The following MYO1G variants were observed in gnomAD, a reference collection of about 807,000 sequenced individuals.
MYO1G encodes the protein unconventional myosin-Ig.
MYO1G carries 65 observed loss-of-function variants against 115.3 expected under a neutral mutation model. The ratio of observed to expected loss-of-function variants is 0.56; its 90% CI spans 0.46 to 0.69. The LOEUF (loss-of-function observed/expected upper bound fraction) is 0.69, where lower values mean the gene tolerates loss of function less well. MYO1G is among the 30% of genes least tolerant of loss of function. The pLI is 0.00. For synonymous variants in MYO1G, 510 were observed against 552.6 expected (o/e 0.92, Z 1.08); for missense variants, 1,204 against 1,393.5 (o/e 0.86, Z 2.16).
intron 16 of MYO1G, 94 bp downstream of exon 16, chr7:44,965,979 G>A (rs974351218): frequency 1.3e-6 from 2 of 1,550,790 alleles, no homozygotes; most frequent in Admixed American, 1.7e-5. Flanking sequence ...ATCAAGCAGA[G>A]ACTCCTGTGA....
Position 44,978,972 on chromosome 7 carries a change from G to A in MYO1G, c.-11C>T, listed in dbSNP as rs757952025. On this transcript the variant is annotated 5_prime_UTR_variant, in exon 1 of 22. Transcript: ENST00000258787. ...TTCCTCGTCCTCCATCCTGCCGGCT[G>A]GAAACACCTTGCCTCACCTTCCTGT... 3 of 1,613,826 alleles carry A rather than the reference G, an allele frequency of 1.9e-6. No individual in the cohort carries two copies. The highest frequency in any genetic ancestry group is 2.5e-6 in the Non-Finnish European group (3 of 1,179,736).
Position 44,962,674 on chromosome 7 carries a change from A to T in MYO1G, c.*65T>A. 2 of 1,423,832 alleles carry T rather than the reference A, an allele frequency of 1.4e-6. No homozygotes were observed. The highest frequency in any genetic ancestry group is 3.0e-5 in the African/African-American group (2 of 66,452). The allele number at this position is 1,423,832 out of a possible 1,614,324, so 88.2% of individuals were successfully genotyped here. A position where few individuals can be genotyped will look rare whatever the true frequency, so the allele number is the denominator to read the frequency against. On this transcript the variant is annotated 3_prime_UTR_variant, in exon 22 of 22. Transcript: ENST00000258787. This position sits in a 1 kb window ranked among gnomAD's most constrained non-coding sequence, Gnocchi z 5.3. ...CGGCGAGCAGGAGGGCTGACTCAGA[A>T]GGTTTATTTGCAGCGCTGGCGGGGC... is the stretch of plus-strand genomic sequence containing the variant.
In MYO1G at chr7:44,969,710, G is replaced by A. The variant is rs762149642; in HGVS notation, c.1498C>T (p.Arg500Cys). 1.2e-5 allele frequency: 19 copies of A among 1,611,190 alleles called. No homozygotes were observed. Among genetic ancestry groups the A allele is most frequent in the African/African-American group, 4.0e-5 (3 of 74,872 alleles). Residue 500 changes from arginine to cysteine, a missense_variant, in exon 11 of 22, where the codon CGC becomes TGC. Transcript: ENST00000258787. This position sits in a 1 kb window ranked among gnomAD's most constrained non-coding sequence, Gnocchi z 5.0. ...HHRHHLHYTS[R>C]QLCPTDKTME... ...ACTGGGACAGCCGGGGGCACCTGGC[G>A]GCTGGTGTAGTGTAGGTGATGGCGG...
chr7:44,964,847 G>A lies in MYO1G; in HGVS notation c.2526+98C>T. 1 of 1,498,500 alleles carries A rather than the reference G, an allele frequency of 6.7e-7. No individual in the cohort carries two copies. The highest frequency in any genetic ancestry group is 2.1e-5 in the Admixed American group (1 of 47,796). 92.8% of individuals were successfully genotyped at this position (1,498,500 alleles called of 1,614,324 possible). A position where few individuals can be genotyped will look rare whatever the true frequency, so the allele number is the denominator to read the frequency against. On this transcript the variant is annotated intron_variant, in intron 18 of 21. Coordinates refer to ENST00000258787, the MANE Select transcript of MYO1G (RefSeq NM_033054.3). The surrounding 1 kb of genome is among the most constrained non-coding windows in gnomAD (Gnocchi z 5.1). ...ACCAGGACAGACAACCCCAGGCCTG[G>A]GAGAGGACATCTGAGGGGACCTGGT...
rs1049611098 is a variant in MYO1G at position 44,967,602 on chromosome 7, T to C, written c.1782+3A>G. 5.0e-6 allele frequency: 8 copies of C among 1,613,778 alleles called. No individual in the cohort carries two copies. The highest frequency in any genetic ancestry group is 5.9e-6 in the Non-Finnish European group (7 of 1,180,010). ...GCCAGAGTGGGAGAGGGGTGGAACA[T>C]ACCTTGGAGGCAAGGTTCTCCACCA... is the stretch of plus-strand genomic sequence containing the variant. On this transcript the variant is annotated splice_donor_region_variant and intron_variant, in intron 14 of 21. Coordinates refer to ENST00000258787, the MANE Select transcript of MYO1G (RefSeq NM_033054.3).
At position 44,964,054 on chromosome 7, in the gene MYO1G, C is replaced by G. The variant is rs771083602; in HGVS notation, c.2740G>C (p.Glu914Gln). ...QYRVMRAVPLEAVTGLSVTSG... is the reference protein window; with the variant it reads ...QYRVMRAVPLQAVTGLSVTSG... ...TCCCCACCCACATTGCTCACCGCCT[C>G]AAGGGGCACGGCCCGCATCACCCGG... The change falls in exon 20 of 22, where the codon GAG becomes CAG. Residue 914 changes from glutamate to glutamine, a missense_variant. Coordinates refer to ENST00000258787, the MANE Select transcript of MYO1G (RefSeq NM_033054.3). This position sits in a 1 kb window ranked among gnomAD's most constrained non-coding sequence, Gnocchi z 5.1. 2 of 1,587,976 alleles carry G rather than the reference C, an allele frequency of 1.3e-6. No homozygotes were observed.
In MYO1G at chr7:44,969,145, A is replaced by T; in HGVS notation, c.1574+268T>A. ...CCCCCCACCCCACAGATGCTGGTATAGGGTTGGGCCCAGACATGAGACGTG... is the reference window on the plus strand; with the variant it reads ...CCCCCCACCCCACAGATGCTGGTATTGGGTTGGGCCCAGACATGAGACGTG... On this transcript the variant is annotated intron_variant, in intron 12 of 21. Transcript: ENST00000258787. This position sits in a 1 kb window ranked among gnomAD's most constrained non-coding sequence, Gnocchi z 5.0. 2.8e-6 allele frequency: 1 copy of T among 358,686 alleles called. No individual in the cohort carries two copies. Among genetic ancestry groups the T allele is most frequent in the Non-Finnish European group, 5.3e-6 (1 of 188,100 alleles). 22.2% of individuals were successfully genotyped at this position (358,686 alleles called of 1,614,324 possible).
chr7:44,975,100 C>G, intron 5 of MYO1G, 74 bp downstream of exon 5: 1 of 1,486,988 alleles, frequency 6.7e-7, no homozygotes, highest in South Asian at 1.1e-5. Context: ...ATGGAAGGGT[C>G]ACAAGCTGGT....
chr7:44,969,725 G>C lies in MYO1G; in HGVS notation c.1483C>G (p.Leu495Val), dbSNP rs766972278. ...GGCACCTGGCGGCTGGTGTAGTGTA[G>C]GTGATGGCGGTGGTGCATGTCCAGG... ...QTLDMHHRHH[L>V]HYTSRQLCPT... is the part of the protein sequence containing the mutation. Residue 495 changes from leucine (L) to valine (V), a missense_variant, in exon 11 of 22, where the codon CTA becomes GTA. Physicochemically the swap from Leu to Val is conservative, Grantham distance 32. Coordinates refer to ENST00000258787, the MANE Select transcript of MYO1G (RefSeq NM_033054.3). This position sits in a 1 kb window ranked among gnomAD's most constrained non-coding sequence, Gnocchi z 5.0. 2.5e-6 allele frequency: 4 copies of C among 1,607,636 alleles called. No homozygotes were observed. Among genetic ancestry groups the C allele is most frequent in the Non-Finnish European group, 3.4e-6 (4 of 1,177,996 alleles).
chr7:44,976,422 TG>T, intron 3 of MYO1G, 141 bp downstream of exon 3: 1 of 777,008 alleles, frequency 1.3e-6, no homozygotes, highest in Non-Finnish European at 2.1e-6. Flanking sequence ...TGGCATTATC[TG>T]GAAACTTCCC....
In MYO1G at chr7:44,962,745, G is replaced by C; in HGVS notation, c.3051C>G (p.Ser1017Arg). Reference sequence around the variant, plus strand: ...GTGCGGCGGGTGCGGGCGCTCAGCGGCTGGGCCAGAGCAGGGTGAAGGAGC... The same window carrying C: ...GTGCGGCGGGTGCGGGCGCTCAGCGCCTGGGCCAGAGCAGGGTGAAGGAGC... ...ARGSFTLLWPSR is the reference protein window; with the variant it reads ...ARGSFTLLWPRR The change falls in exon 22 of 22, where the codon AGC becomes AGG. Residue 1017 changes from serine (S) to arginine (R), a missense_variant. Transcript: ENST00000258787. The surrounding 1 kb of genome is among the most constrained non-coding windows in gnomAD (Gnocchi z 5.3). 1 of 1,462,070 alleles carries C rather than the reference G, an allele frequency of 6.8e-7. No homozygotes were observed. The highest frequency in any genetic ancestry group is 9.0e-7 in the Non-Finnish European group (1 of 1,117,074). 90.6% of individuals were successfully genotyped at this position (1,462,070 alleles called of 1,614,324 possible).
At chr7:44,973,030 G>C (rs759420688) in intron 5 of MYO1G, 7 of 152,158 alleles carry the variant, frequency 4.6e-5, no homozygotes, top group Admixed American at 6.5e-5. Context: ...ATGTCGCAGA[G>C]AGCTTCCACC....
Position 44,967,918 on chromosome 7 carries a change from G to A in MYO1G, c.1615C>T (p.Leu539Phe), listed in dbSNP as rs1794876905. Residue 539 changes from leucine to phenylalanine, a missense_variant, in exon 13 of 22, where the codon CTC becomes TTC. Physicochemically the swap from Leu to Phe is conservative, Grantham distance 22 (BLOSUM62 0). Transcript: ENST00000258787. ...EGFIDKNRDF[L>F]FQDFKRLLYN... is the part of the protein sequence containing the mutation. ...AGCAGCCGCTTGAAGTCCTGGAAGAGGAAATCTCTGTTCTTGTCGATGAAG... is the reference window on the plus strand; with the variant it reads ...AGCAGCCGCTTGAAGTCCTGGAAGAAGAAATCTCTGTTCTTGTCGATGAAG... The A allele has an allele frequency of 1.2e-6, 2 of 1,614,050 alleles. No homozygotes were observed. Among genetic ancestry groups the A allele is most frequent in the East Asian group, 4.5e-5 (2 of 44,880 alleles).
At chr7:44,973,841 G>T (rs1795002558) in intron 5 of MYO1G, 1 of 151,886 alleles carries the variant, frequency 6.6e-6, no homozygotes, top group Admixed American at 6.6e-5. Flanking sequence ...GGGGAGGTAA[G>T]AGTCTGTGGA....
In MYO1G at chr7:44,970,898, C is replaced by T. The variant is rs766410600; in HGVS notation, c.1008G>A (p.Arg336=). Reference sequence around the variant, plus strand: ...CAGTGTGGCCCTTCTCTATGAGTTCCCTGCCTCCCGAGGCAACTGTGCGAG... The same window carrying T: ...CAGTGTGGCCCTTCTCTATGAGTTCTCTGCCTCCCGAGGCAACTGTGCGAG... ...LLARTVASGG[R]ELIEKGHTAA... The change falls in exon 8 of 22, where the codon AGG becomes AGA. Residue 336 remains arginine (R), a synonymous_variant. Transcript: ENST00000258787. 4 of 1,613,574 alleles carry T rather than the reference C, an allele frequency of 2.5e-6. No homozygotes were observed. In the South Asian group the frequency reaches 4.4e-5, roughly 18 times the overall value.
At chr7:44,967,985 A>G in intron 12 of MYO1G, 27 bp from the exon 13 acceptor site, 1 of 1,609,044 alleles carries the variant, frequency 6.2e-7, no homozygotes, top group Non-Finnish European at 8.5e-7. Context: ...CTGGTGAGGG[A>G]GCAGGGGCGG....
At chr7:44,970,006 A>T (rs1794924800) in intron 10 of MYO1G, 34 bp downstream of exon 10, 2 of 1,604,510 alleles carry the variant, frequency 1.2e-6, no homozygotes, top group African/African-American at 2.7e-5. Context: ...TCCACACCCC[A>T]CTGCCTGGCC....
chr7:44,977,819 G>A (rs1004703143), intron 1 of MYO1G, among the ~76,000 whole-genome samples: 10 of 151,972 alleles, frequency 6.6e-5, no homozygotes, highest in East Asian at 1.9e-4. Flanking sequence ...CCTGTCTCCC[G>A]GCAGCCTGTC....
intron 1 of MYO1G, among the ~76,000 whole-genome samples, chr7:44,978,037 C>G (rs2128703363): frequency 6.6e-6 from 1 of 152,344 alleles, no homozygotes; most frequent in African/African-American, 2.4e-5. Context: ...GCACAAAGTG[C>G]TTAGCTCACG....
Sources: allele counts gnomAD v4.1 joint callset (sites outside exome capture counted in the v4.1 genomes callset), GRCh38; gene constraint gnomAD v4.1.1; non-coding constraint Gnocchi (gnomAD v3.1); transcripts MANE v1.5; gene names NCBI Gene and HGNC (gene_info 2026-07-23, HGNC 2026-07-21).